The following FAF1 variants were observed in gnomAD, a reference collection of about 807,000 sequenced individuals.
FAF1 encodes the protein FAS-associated factor 1.
Under a neutral mutation model 92.5 loss-of-function variants are expected in FAF1, and 25 were observed. The observed-to-expected ratio is 0.27, with a 90% CI of 0.20 to 0.38. The LOEUF is 0.38. Among genes scored for constraint, FAF1 ranks in the 10% least tolerant of loss-of-function variants. The pLI is 1.00. For synonymous variants in FAF1, 234 were observed against 273.2 expected (o/e 0.86, Z 1.42); for missense variants, 636 against 793.3 (o/e 0.80, Z 2.38).
chr1:50,855,622 A>C (rs965776663), intron 2 of FAF1, among the ~76,000 whole-genome samples: 2 of 151,926 alleles, frequency 1.3e-5, no homozygotes, highest in Non-Finnish European at 2.9e-5. Context: ...TGAAAAGTTT[A>C]AACTAGTGAT....
chr1:50,700,399 T>G (rs1557482417), intron 7 of FAF1, among the ~76,000 whole-genome samples: 3 of 152,148 alleles, frequency 2.0e-5, no homozygotes, highest in Non-Finnish European at 4.4e-5. Context: ...AAGTGCACAG[T>G]AGGTGTTCAT....
At chr1:50,602,811 G>A (rs962984991) in intron 8 of FAF1, among the ~76,000 whole-genome samples, 1 of 151,864 alleles carries the variant, frequency 6.6e-6, no homozygotes, top group Admixed American at 6.6e-5. Context: ...CTAAAGTATT[G>A]CTTTTTGACA....
rs1035459406 is a variant in FAF1 at position 50,584,197 on chromosome 1, T to G, written c.968-482A>C. On this transcript the variant is annotated intron_variant, in intron 10 of 18. Coordinates refer to ENST00000396153, the MANE Select transcript of FAF1 (RefSeq NM_007051.3). Reference sequence around the variant, plus strand: ...GGCCATTATTATTTTAGTGGTCATTTTGCACGTAGCATGTCTTGTTATTCT... The same window carrying G: ...GGCCATTATTATTTTAGTGGTCATTGTGCACGTAGCATGTCTTGTTATTCT... Among the ~76,000 whole-genome samples, 4 of 152,152 alleles carry G rather than the reference T, an allele frequency of 2.6e-5. No homozygotes were observed. The East Asian group carries it at 7.7e-4, about 29-fold the overall frequency.
At chr1:50,699,958 C>G (rs1206078731) in intron 7 of FAF1, among the ~76,000 whole-genome samples, 1 of 152,124 alleles carries the variant, frequency 6.6e-6, no homozygotes, top group Non-Finnish European at 1.5e-5. Flanking sequence ...TCCTCGGACA[C>G]AAAGCTTCAC....
intron 2 of FAF1, among the ~76,000 whole-genome samples, chr1:50,836,997 G>A (rs1187732068): frequency 1.2e-4 from 14 of 117,732 alleles, no homozygotes; most frequent in Admixed American, 3.6e-4. Flanking sequence ...TTGCTCTGTC[G>A]CCCAGGCTGG....
In FAF1 at chr1:50,757,618, T is replaced by C. The variant is rs184193694; in HGVS notation, c.368-12843A>G. Among the ~76,000 whole-genome samples the C allele has an allele frequency of 4.0e-3, 603 of 152,100 alleles. 4 individuals are homozygous for C. The highest frequency in any genetic ancestry group is 0.014 in the African/African-American group (577 of 41,560). ...CATATTTTCCAGTTCTTTTCATTTT[T>C]AGTTTTTATTCAATTTCTATACTTT... On this transcript the variant is annotated intron_variant, in intron 4 of 18. Coordinates refer to ENST00000396153, the MANE Select transcript of FAF1 (RefSeq NM_007051.3).
At chr1:50,734,284 ATCTACTATAATCGAGT>A (rs1321681912) in intron 6 of FAF1, among the ~76,000 whole-genome samples, 1 of 152,218 alleles carries the variant, frequency 6.6e-6, no homozygotes, top group Non-Finnish European at 1.5e-5. Flanking sequence ...ATCCATGAAA[ATCTACTATAATCGAGT>A]TCTCATTCTC....
intron 15 of FAF1, among the ~76,000 whole-genome samples, chr1:50,503,846 T>G (rs1047021579): frequency 1.3e-5 from 2 of 152,254 alleles, no homozygotes; most frequent in East Asian, 3.9e-4. Flanking sequence ...AAATCTATGC[T>G]GACAGAAAGT....
chr1:50,945,721 C>T (rs767883606), intron 1 of FAF1, among the ~76,000 whole-genome samples: 3 of 152,216 alleles, frequency 2.0e-5, no homozygotes, highest in Non-Finnish European at 4.4e-5. Context: ...CTATCTTTAA[C>T]TTGCCAGTCT....
At chr1:50,858,136 C>T (rs138428601) in intron 1 of FAF1, 139 bp from the exon 2 acceptor site, 7 of 513,694 alleles carry the variant, frequency 1.4e-5, no homozygotes, top group African/African-American at 1.2e-4. Flanking sequence ...AAAAGTTTAA[C>T]ACTTCTAAGC....
intron 8 of FAF1, among the ~76,000 whole-genome samples, chr1:50,608,717 G>A (rs767528634): frequency 6.6e-6 from 1 of 152,156 alleles, no homozygotes; most frequent in African/African-American, 2.4e-5. Context: ...GTCATTGTAA[G>A]GTAACTTCTT....
intron 1 of FAF1, among the ~76,000 whole-genome samples, chr1:50,935,611 T>C (rs1161491334): frequency 1.3e-5 from 2 of 151,804 alleles, no homozygotes; most frequent in Non-Finnish European, 2.9e-5. Flanking sequence ...GCTGGGATTA[T>C]AGGCACCCAC....
intron 1 of FAF1, among the ~76,000 whole-genome samples, chr1:50,889,432 A>C (rs1397070834): frequency 4.6e-5 from 7 of 151,654 alleles, no homozygotes; most frequent in Middle Eastern, 3.2e-3. Context: ...GCTCTTGCTT[A>C]TCTAGTTCTT....
chr1:50,540,686 GGGTA>G (rs1338133060), intron 13 of FAF1, among the ~76,000 whole-genome samples: 10 of 152,172 alleles, frequency 6.6e-5, no homozygotes, highest in African/African-American at 2.2e-4. Context: ...CAAGAGAAAA[GGGTA>G]GCTTATGATA....
intron 9 of FAF1, among the ~76,000 whole-genome samples, chr1:50,595,893 A>T (rs1056394243): frequency 6.6e-6 from 1 of 152,142 alleles, no homozygotes; most frequent in Non-Finnish European, 1.5e-5. Flanking sequence ...CATTTCAACC[A>T]ATCCATCTGA....
intron 4 of FAF1, among the ~76,000 whole-genome samples, chr1:50,764,205 T>C (rs1256010339): frequency 6.6e-6 from 1 of 152,190 alleles, no homozygotes; most frequent in Non-Finnish European, 1.5e-5. Flanking sequence ...ATTTTTAACT[T>C]CCTCAGTTTT....
intron 6 of FAF1, among the ~76,000 whole-genome samples, chr1:50,719,480 T>A (rs1557492069): frequency 1.3e-5 from 2 of 152,212 alleles, no homozygotes; most frequent in Non-Finnish European, 2.9e-5. Flanking sequence ...CTAATAACAT[T>A]TTTCATGATG....
intron 4 of FAF1, among the ~76,000 whole-genome samples, chr1:50,754,911 T>C (rs1052506379): frequency 1.3e-5 from 2 of 152,062 alleles, no homozygotes; most frequent in Non-Finnish European, 2.9e-5. Flanking sequence ...TAAGACTTGC[T>C]CACTATCATG....
At chr1:50,885,312 TCACACACA>T (rs376434464) in intron 1 of FAF1, among the ~76,000 whole-genome samples, 13 of 137,384 alleles carry the variant, frequency 9.5e-5, no homozygotes, top group Non-Finnish European at 1.1e-4. Flanking sequence ...TCTCTCTCTC[TCACACACA>T]CACACTCTCT....
Sources: gnomAD v4.1 joint callset for allele counts (sites outside exome capture counted in the v4.1 genomes callset) on GRCh38, gnomAD v4.1.1 for gene constraint, MANE v1.5 for transcripts, NCBI Gene and HGNC (gene_info 2026-07-23, HGNC 2026-07-21) for gene names.